NIM1K: variants seen among roughly 807,000 people sequenced by gnomAD.
NIM1K encodes the protein NIM1 serine/threonine protein kinase, also known as serine/threonine-protein kinase NIM1.
Under a neutral mutation model 37.1 loss-of-function variants are expected in NIM1K, and 35 were observed. The ratio of observed to expected loss-of-function variants is 0.94; its 90% CI spans 0.72 to 1.25. The LOEUF is 1.25. NIM1K is among the 50% of genes most tolerant of loss of function. The pLI, the probability that NIM1K is intolerant of heterozygous loss-of-function variation, is 0.00. For missense variants in NIM1K, 564 were observed against 548.0 expected, an observed-to-expected ratio of 1.03 and a Z score of -0.29; for synonymous variants, 234 against 206.6, an observed-to-expected ratio of 1.13 and a Z score of -1.14.
intron 2 of NIM1K, among the ~76,000 whole-genome samples, chr5:43,271,741 TA>T (rs1162651192): frequency 6.6e-6 from 1 of 152,194 alleles, no homozygotes; most frequent in Admixed American, 6.5e-5. Context: ...AATAGGTTGT[TA>T]TATTCCCCAC....
chr5:43,228,878 T>C (rs1024369488), intron 1 of NIM1K, among the ~76,000 whole-genome samples: 70 of 152,284 alleles, frequency 4.6e-4, no homozygotes, highest in African/African-American at 1.6e-3. Context: ...AAAGCTCGTA[T>C]ACATATAAAG....
At position 43,260,013 on chromosome 5, in the gene NIM1K, C is replaced by T. The variant is rs551087238; in HGVS notation, c.292+13946C>T. 3.9e-5 allele frequency among the ~76,000 whole-genome samples: 6 copies of T among 152,196 alleles called. No individual in the cohort carries two copies. The East Asian group carries it at 7.7e-4, about 20-fold the overall frequency. On this transcript the variant is annotated intron_variant, in intron 2 of 3. Coordinates refer to ENST00000326035, the MANE Select transcript of NIM1K (RefSeq NM_153361.4). ...CCTACATGGGGCTATCCAGTTTTCC[C>T]AGCAACATTTACTAAATAGGGTGTC...
intron 2 of NIM1K, among the ~76,000 whole-genome samples, chr5:43,267,275 C>T (rs146236844): frequency 4.6e-5 from 7 of 152,214 alleles, no homozygotes; most frequent in African/African-American, 1.7e-4. Context: ...CTCAACTGAT[C>T]TTTTGTATTT....
At position 43,245,798 on chromosome 5, in the gene NIM1K, G is replaced by A. The variant is rs756966512; in HGVS notation, c.23G>A (p.Gly8Glu). 1.9e-6 allele frequency: 3 copies of A among 1,608,940 alleles called. No individual in the cohort carries two copies. Among genetic ancestry groups the A allele is most frequent in the Non-Finnish European group, 1.7e-6 (2 of 1,177,010 alleles). The change falls in exon 2 of 4, where the codon GGA becomes GAA. Residue 8 changes from glycine (G) to glutamate (E), a missense_variant. Coordinates refer to ENST00000326035, the MANE Select transcript of NIM1K (RefSeq NM_153361.4). The stretch of plus-strand genomic sequence containing the variant: ...ACGATGACTGCAGTGTATATGAATG[G>A]AGGTGGCCTGGTGAACCCCCACTAT... MTAVYMN[G>E]GGLVNPHYAR...
intron 2 of NIM1K, among the ~76,000 whole-genome samples, chr5:43,271,514 T>C (rs1240154003): frequency 6.6e-6 from 1 of 152,148 alleles, no homozygotes; most frequent in Admixed American, 6.6e-5. Context: ...ATTAGAGTAG[T>C]GCTCAAAAAT....
At chr5:43,198,207 CTCTTTCTT>C (rs1176718462) in intron 1 of NIM1K, among the ~76,000 whole-genome samples, 598 of 48,782 alleles carry the variant, frequency 0.012, 10 homozygotes, top group Middle Eastern at 0.023. Context: ...TTCTTTCTTT[CTCTTTCTT>C]TCTTTCTTTC....
intron 1 of NIM1K, chr5:43,232,205 A>G (rs1752549794): frequency 9.0e-6 from 9 of 997,260 alleles, no homozygotes; most frequent in Non-Finnish European, 1.4e-5. Flanking sequence ...TTTGAGAACC[A>G]TGTCACCACG....
At chr5:43,252,479 T>G (rs985490516) in intron 2 of NIM1K, among the ~76,000 whole-genome samples, 3 of 151,356 alleles carry the variant, frequency 2.0e-5, no homozygotes, top group African/African-American at 7.3e-5. Flanking sequence ...TCTAGGAATA[T>G]AAGGACAGTT....
chr5:43,235,845 C>CTTT (rs77554972), intron 1 of NIM1K, among the ~76,000 whole-genome samples: 1 of 142,638 alleles, frequency 7.0e-6, no homozygotes. Context: ...CCCTCCCCAT[C>CTTT]TTTTTTTTTT....
At chr5:43,269,485 C>G (rs1262570387) in intron 2 of NIM1K, among the ~76,000 whole-genome samples, 2 of 152,014 alleles carry the variant, frequency 1.3e-5, no homozygotes, top group African/African-American at 4.8e-5. Flanking sequence ...TTCTGCCAAT[C>G]TGTATGTTTT....
intron 1 of NIM1K, among the ~76,000 whole-genome samples, chr5:43,199,204 A>AAAAAATATATAT (rs1200134957): frequency 5.3e-5 from 5 of 94,060 alleles, no homozygotes; most frequent in Non-Finnish European, 8.2e-5. Flanking sequence ...AAAAAAAAAA[A>AAAAAATATATAT]ATATATATAT....
intron 1 of NIM1K, among the ~76,000 whole-genome samples, chr5:43,210,282 T>C (rs180972678): frequency 3.6e-4 from 55 of 152,284 alleles, no homozygotes; most frequent in African/African-American, 1.3e-3. Context: ...AGAAAAGGAA[T>C]AAAATTAATC....
At chr5:43,228,298 C>A (rs914478984) in intron 1 of NIM1K, among the ~76,000 whole-genome samples, 1 of 151,914 alleles carries the variant, frequency 6.6e-6, no homozygotes, top group Non-Finnish European at 1.5e-5. Context: ...AGGTGCCCGC[C>A]ACCACACCTG....
intron 1 of NIM1K, chr5:43,232,673 G>C (rs1266390457): frequency 1.3e-6 from 2 of 1,521,090 alleles, no homozygotes; most frequent in African/African-American, 2.7e-5. Context: ...GAGAACTGCA[G>C]CTTGGACTTC....
chr5:43,192,319 C>A lies in NIM1K; in HGVS notation c.-787C>A, dbSNP rs17243515. 0.097 allele frequency: 14,760 copies of A among 152,602 alleles called. 846 individuals carry two copies. The highest frequency in any genetic ancestry group is 0.19 in the East Asian group (959 of 5,138). The allele number at this position is 152,602 out of a possible 1,614,324, so 9.5% of individuals were successfully genotyped here. On this transcript the variant is annotated 5_prime_UTR_variant, in exon 1 of 4. Coordinates refer to ENST00000326035, the MANE Select transcript of NIM1K (RefSeq NM_153361.4). ...AGCGGCGCCCTCACCTCGGGACATC[C>A]ACACACCGACCGCTCCTGCTCCAGA... is the stretch of plus-strand genomic sequence containing the variant.
chr5:43,196,942 CTTTTTT>C (rs774125135), intron 1 of NIM1K, among the ~76,000 whole-genome samples: 1 of 82,776 alleles, frequency 1.2e-5, no homozygotes, highest in Non-Finnish European at 2.2e-5. Context: ...CCATGCCCAG[CTTTTTT>C]TTTTTTTTTT....
Position 43,213,722 on chromosome 5 carries a change from C to T in NIM1K, c.-695+21311C>T, listed in dbSNP as rs1178725630. Among the ~76,000 whole-genome samples the T allele has an allele frequency of 3.3e-5, 5 of 152,176 alleles. No homozygotes were observed. The South Asian group carries it at 8.3e-4, about 25-fold the overall frequency. On this transcript the variant is annotated intron_variant, in intron 1 of 3. Transcript: ENST00000326035. ...TATTGGCCAGGCTGGTCTTGAACTC[C>T]TGGCCTCAGGTGATCCACCCAGCTT... is the stretch of plus-strand genomic sequence containing the variant.
chr5:43,207,138 T>C, intron 1 of NIM1K: 1 of 722,956 alleles, frequency 1.4e-6, no homozygotes. Context: ...TATCAAAATA[T>C]AAAAATTCTA....
chr5:43,271,091 CTT>C (rs56135531), intron 2 of NIM1K, among the ~76,000 whole-genome samples: 12 of 145,256 alleles, frequency 8.3e-5, no homozygotes, highest in Non-Finnish European at 1.8e-4. Flanking sequence ...CCAGCAGCTT[CTT>C]TTTTTTTTTC....
Sources: gnomAD v4.1 joint callset for allele counts (sites outside exome capture counted in the v4.1 genomes callset) on GRCh38, gnomAD v4.1.1 for gene constraint, MANE v1.5 for transcripts, NCBI Gene and HGNC (gene_info 2026-07-23, HGNC 2026-07-21) for gene names.